KHDRBS2: variants seen among roughly 807,000 people sequenced by gnomAD.
KHDRBS2 encodes KH RNA binding domain containing, signal transduction associated 2.
In KHDRBS2, 26 loss-of-function variants were observed where a neutral mutation model predicts 44.3. The ratio of observed to expected loss-of-function variants is 0.59; its 90% CI spans 0.43 to 0.81. KHDRBS2 has a LOEUF of 0.81. KHDRBS2 is among the 40% of genes least tolerant of loss of function. The pLI is 0.00. For synonymous variants in KHDRBS2, 194 were observed against 151.1 expected (o/e 1.28, Z -2.08); for missense variants, 476 against 433.1 (o/e 1.10, Z -0.88).
At chr6:62,027,145 C>A (rs911997435) in intron 3 of KHDRBS2, among the ~76,000 whole-genome samples, 1 of 151,690 alleles carries the variant, frequency 6.6e-6, no homozygotes, top group African/African-American at 2.4e-5. Context: ...ACCTTTGTTT[C>A]GACTGTAGTT....
At chr6:62,143,469 T>C (rs1172909811) in intron 2 of KHDRBS2, among the ~76,000 whole-genome samples, 2 of 152,004 alleles carry the variant, frequency 1.3e-5, no homozygotes, top group Non-Finnish European at 2.9e-5. Context: ...GGCTGCAATA[T>C]CTCTGTTATT....
At chr6:61,566,601 G>A in the KHDRBS2 span, among the ~76,000 whole-genome samples, 2 of 152,102 alleles carry the variant, frequency 1.3e-5, no homozygotes, top group Non-Finnish European at 2.9e-5. Flanking sequence ...GAATGAAAAA[G>A]GAGAGCTTAA....
chr6:61,915,296 T>C (rs1013986925), intron 4 of KHDRBS2, among the ~76,000 whole-genome samples: 1 of 152,056 alleles, frequency 6.6e-6, no homozygotes, highest in Non-Finnish European at 1.5e-5. Flanking sequence ...GAAGTTGGAA[T>C]GAGGGCAGAA....
At chr6:62,274,237 T>G (rs1840553612) in intron 1 of KHDRBS2, among the ~76,000 whole-genome samples, 1 of 152,160 alleles carries the variant, frequency 6.6e-6, no homozygotes, top group Admixed American at 6.6e-5. Flanking sequence ...GTTATTTGAA[T>G]CCAGGCCACT....
At chr6:62,268,317 T>C (rs1230022786) in intron 1 of KHDRBS2, among the ~76,000 whole-genome samples, 1 of 152,082 alleles carries the variant, frequency 6.6e-6, no homozygotes, top group Non-Finnish European at 1.5e-5. Flanking sequence ...TTATTAGTGT[T>C]GACATGATGA....
At position 61,974,927 on chromosome 6, in the gene KHDRBS2, T is replaced by C. The variant is rs1036356468; in HGVS notation, c.483+3139A>G. 5.6e-4 allele frequency among the ~76,000 whole-genome samples: 74 copies of C among 131,392 alleles called. 2 individuals are homozygous for C. The highest frequency in any genetic ancestry group is 5.1e-3 in the Admixed American group (58 of 11,384). 86.2% of individuals were successfully genotyped at this position (131,392 alleles called of 152,430 possible). ...GCCTGGGCGACATAGCAAGACTCCA[T>C]CTTAAAAAATAAATAAATAAATAAA... On this transcript the variant is annotated intron_variant, in intron 4 of 8. Coordinates refer to ENST00000281156, the MANE Select transcript of KHDRBS2 (RefSeq NM_152688.4).
At chr6:61,663,420 A>G in the KHDRBS2 span, among the ~76,000 whole-genome samples, 1 of 141,918 alleles carries the variant, frequency 7.0e-6, no homozygotes, top group East Asian at 2.1e-4. Flanking sequence ...ATTAAATTAA[A>G]AAAATAAAAA....
chr6:61,736,327 A>T (rs961920528), intron 6 of KHDRBS2, among the ~76,000 whole-genome samples: 41 of 151,174 alleles, frequency 2.7e-4, no homozygotes, highest in African/African-American at 1.0e-3. Context: ...CCAAGGTCTC[A>T]TCTCCTTTGT....
At chr6:61,558,123 A>T in the KHDRBS2 span, among the ~76,000 whole-genome samples, 8 of 151,148 alleles carry the variant, frequency 5.3e-5, no homozygotes, top group Non-Finnish European at 1.0e-4. Context: ...TTTCAATTTC[A>T]TTTATTTATG....
At chr6:61,992,312 T>A (rs1217222472) in intron 3 of KHDRBS2, among the ~76,000 whole-genome samples, 1 of 152,160 alleles carries the variant, frequency 6.6e-6, no homozygotes, top group Non-Finnish European at 1.5e-5. Context: ...AACACCATTT[T>A]TCAATCATAA....
intron 2 of KHDRBS2, among the ~76,000 whole-genome samples, chr6:62,099,911 A>C (rs960134237): frequency 6.6e-6 from 1 of 152,234 alleles, no homozygotes; most frequent in African/African-American, 2.4e-5. Flanking sequence ...TGGATCAAGG[A>C]ATAATTTCAA....
chr6:61,810,985 A>G (rs1788024991), intron 6 of KHDRBS2, among the ~76,000 whole-genome samples: 1 of 152,036 alleles, frequency 6.6e-6, no homozygotes, highest in South Asian at 2.1e-4. Context: ...AGATTCAGGG[A>G]GGTACATACT....
the KHDRBS2 span, among the ~76,000 whole-genome samples, chr6:61,607,519 G>GA: frequency 3.4e-4 from 8 of 23,328 alleles, no homozygotes; most frequent in Admixed American, 6.9e-4. Context: ...TGAGTTCCAA[G>GA]CAAAAAAAAA....
intron 3 of KHDRBS2, among the ~76,000 whole-genome samples, chr6:62,001,347 G>C (rs1424519567): frequency 6.6e-6 from 1 of 151,672 alleles, no homozygotes; most frequent in Non-Finnish European, 1.5e-5. Context: ...TATTTTGTGG[G>C]TGTATGACGT....
chr6:61,820,252 T>C (rs547207586), intron 6 of KHDRBS2, among the ~76,000 whole-genome samples: 1 of 152,110 alleles, frequency 6.6e-6, no homozygotes, highest in South Asian at 2.1e-4. Flanking sequence ...TTCATGAGAT[T>C]CTAGTTGAGG....
chr6:62,216,559 G>A (rs1451838827), intron 1 of KHDRBS2, among the ~76,000 whole-genome samples: 1 of 151,610 alleles, frequency 6.6e-6, no homozygotes. Flanking sequence ...AAATGTCTCT[G>A]TGAAAGTGAA....
intron 8 of KHDRBS2, among the ~76,000 whole-genome samples, chr6:61,695,028 T>C (rs1473436657): frequency 1.3e-5 from 2 of 152,022 alleles, no homozygotes; most frequent in African/African-American, 4.8e-5. Context: ...TCCTGAAAAA[T>C]AGTATAAAAG....
intron 6 of KHDRBS2, among the ~76,000 whole-genome samples, chr6:61,736,872 C>T (rs1299531986): frequency 6.6e-6 from 1 of 152,012 alleles, no homozygotes; most frequent in African/African-American, 2.4e-5. Flanking sequence ...AATACCTAAA[C>T]ATATACTATA....
intron 3 of KHDRBS2, among the ~76,000 whole-genome samples, chr6:61,993,747 G>C (rs569977622): frequency 1.3e-3 from 196 of 145,802 alleles, no homozygotes; most frequent in African/African-American, 4.7e-3. Flanking sequence ...GCTCTGAAAA[G>C]AAAAATGAAT....
Sources: allele counts gnomAD v4.1 joint callset (sites outside exome capture counted in the v4.1 genomes callset), GRCh38; gene constraint gnomAD v4.1.1; transcripts MANE v1.5; gene names NCBI Gene and HGNC (gene_info 2026-07-23, HGNC 2026-07-21).